Variants in GPT2 observed in about 807,000 individuals in gnomAD.
GPT2 encodes alanine aminotransferase 2.
In GPT2, 30 loss-of-function variants were observed where a neutral mutation model predicts 56.9. The ratio of observed to expected loss-of-function variants is 0.53; its 90% confidence interval spans 0.39 to 0.72. The LOEUF (loss-of-function observed/expected upper bound fraction) is 0.72. Among genes scored for constraint, GPT2 ranks in the 30% least tolerant of loss-of-function variants. The probability of loss-of-function intolerance (pLI) is 0.00; values close to 1 mark genes in which losing one functional copy is unlikely to be tolerated. For missense variants in GPT2, 542 were observed against 703.4 expected, an observed-to-expected ratio of 0.77 and a Z score of 2.60; for synonymous variants, 271 against 283.1, an observed-to-expected ratio of 0.96 and a Z score of 0.43.
chr16:46,916,613 T>G lies in GPT2; in HGVS notation c.821-15T>G. On this transcript the variant is annotated splice_polypyrimidine_tract_variant and intron_variant, in intron 6 of 11. Transcript: ENST00000340124. ...CATTACAACCGACATTTTGGTTTTC[T>G]TGGGGATTTTATAGGCCAGGTACAA... is the stretch of plus-strand genomic sequence containing the variant. 1 of 1,608,288 alleles carries G rather than the reference T, an allele frequency of 6.2e-7. No homozygotes were observed. Among genetic ancestry groups the G allele is most frequent in the South Asian group, 1.1e-5 (1 of 90,952 alleles).
At chr16:46,910,914 G>GT (rs1386279029) in intron 6 of GPT2, among the ~76,000 whole-genome samples, 2 of 152,120 alleles carry the variant, frequency 1.3e-5, no homozygotes, top group Non-Finnish European at 2.9e-5. Context: ...TTTAAGACTG[G>GT]TTTTTTGGGT....
At chr16:46,886,380 C>G (rs910965433) in intron 2 of GPT2, among the ~76,000 whole-genome samples, 1 of 152,156 alleles carries the variant, frequency 6.6e-6, no homozygotes, top group African/African-American at 2.4e-5. Context: ...TTACCTCTGC[C>G]TTTTGCTAAA....
rs553289033 is a variant in GPT2 at position 46,927,618 on chromosome 16, C to T, written c.1481+581C>T. On this transcript the variant is annotated intron_variant, in intron 11 of 11. Transcript: ENST00000340124. ...GTTCTCTTCAGAACAACATCTTCCC[C>T]ATACATGTTGCTCTCAGAGGTCTCC... Among the ~76,000 whole-genome samples the T allele has an allele frequency of 5.3e-5, 8 of 152,312 alleles. No homozygotes were observed. The South Asian group carries it at 6.2e-4, about 12-fold the overall frequency.
In GPT2 at chr16:46,885,901, G is replaced by A. The variant is rs184028007; in HGVS notation, c.243+943G>A. On this transcript the variant is annotated intron_variant, in intron 2 of 11. Transcript: ENST00000340124. ...CCTAGCTGCTTGCTAGAGAGAGTCT[G>A]ACTGAGAATAGAAGTGGGAAGGAGG... Among the ~76,000 whole-genome samples the A allele has an allele frequency of 1.0e-3, 159 of 152,248 alleles. 1 individual carries two copies. The highest frequency in any genetic ancestry group is 4.3e-4 in the Non-Finnish European group (29 of 68,016).
intron 8 of GPT2, among the ~76,000 whole-genome samples, chr16:46,919,189 C>A (rs1430788560): frequency 6.6e-6 from 1 of 152,200 alleles, no homozygotes. Context: ...AATCCTGTGT[C>A]TGTTCATTCA....
At chr16:46,896,105 T>C (rs1960681247) in intron 2 of GPT2, among the ~76,000 whole-genome samples, 1 of 152,188 alleles carries the variant, frequency 6.6e-6, no homozygotes, top group African/African-American at 2.4e-5. Context: ...GGGCCGGCTT[T>C]TGTAAGATGA....
chr16:46,886,632 G>A (rs1451288167), intron 2 of GPT2, among the ~76,000 whole-genome samples: 5 of 152,190 alleles, frequency 3.3e-5, no homozygotes, highest in Admixed American at 2.6e-4. Flanking sequence ...AAGGGGGCTG[G>A]TGCTGTAGTG....
Position 46,900,630 on chromosome 16 carries a change from G to T in GPT2, c.334-52G>T, listed in dbSNP as rs376305897. On this transcript the variant is annotated intron_variant, in intron 3 of 11. Transcript: ENST00000340124. ...CCCAGTGGCCTCTGTGCTCCTCCTG[G>T]AGCTCTAGGAGTGGGGGTGCTGGGA... The T allele has an allele frequency of 3.5e-5, 50 of 1,423,802 alleles. No homozygotes were observed. In the Admixed American group the frequency reaches 6.6e-4, roughly 19 times the overall value. The allele number at this position is 1,423,802 out of a possible 1,614,324, so 88.2% of individuals were successfully genotyped here.
In GPT2 at chr16:46,912,277, C is replaced by A. The variant is rs563535746; in HGVS notation, c.820+2350C>A. Among the ~76,000 whole-genome samples, 12 of 152,258 alleles carry A rather than the reference C, an allele frequency of 7.9e-5. No homozygotes were observed. In the South Asian group the frequency reaches 2.5e-3, roughly 32 times the overall value. Reference sequence around the variant, plus strand: ...TGAAGCAGTGCGCCTGAGTCAGAGTCCGTGTCACAGGAGCCTCGGTACCCT... The same window carrying A: ...TGAAGCAGTGCGCCTGAGTCAGAGTACGTGTCACAGGAGCCTCGGTACCCT... On this transcript the variant is annotated intron_variant, in intron 6 of 11. Coordinates refer to ENST00000340124, the MANE Select transcript of GPT2 (RefSeq NM_133443.4).
intron 4 of GPT2, among the ~76,000 whole-genome samples, chr16:46,901,249 G>A (rs1018992467): frequency 1.4e-4 from 22 of 152,210 alleles, no homozygotes; most frequent in Non-Finnish European, 2.1e-4. Context: ...GACCCCTCCA[G>A]CCCCTTTCTC....
intron 3 of GPT2, among the ~76,000 whole-genome samples, chr16:46,899,535 G>A (rs1019942089): frequency 2.6e-5 from 4 of 152,174 alleles, no homozygotes; most frequent in Admixed American, 6.5e-5. Flanking sequence ...TCTGAGGGGC[G>A]CTCACTGGGC....
At chr16:46,911,162 T>A (rs892710184) in intron 6 of GPT2, among the ~76,000 whole-genome samples, 1 of 152,162 alleles carries the variant, frequency 6.6e-6, no homozygotes, top group African/African-American at 2.4e-5. Context: ...AAAAAACCAC[T>A]AATTTCCAGA....
At chr16:46,891,719 G>A (rs1463633093) in intron 2 of GPT2, among the ~76,000 whole-genome samples, 1 of 151,952 alleles carries the variant, frequency 6.6e-6, no homozygotes, top group Non-Finnish European at 1.5e-5. Context: ...AATCACATCA[G>A]GGTAAATGAG....
In GPT2 at chr16:46,898,104, A is replaced by G. The variant is rs543301554; in HGVS notation, c.333+367A>G. Reference sequence around the variant, plus strand: ...CAGGAGGTGTCATGGTGGGGGCAGGATGTGGCTTCCCACTTGAGACCCTCC... The same window carrying G: ...CAGGAGGTGTCATGGTGGGGGCAGGGTGTGGCTTCCCACTTGAGACCCTCC... On this transcript the variant is annotated intron_variant, in intron 3 of 11. Transcript: ENST00000340124. Among the ~76,000 whole-genome samples the G allele has an allele frequency of 1.0e-3, 159 of 152,216 alleles. 1 individual carries two copies. The highest frequency in any genetic ancestry group is 1.8e-3 in the Non-Finnish European group (122 of 67,990).
intron 4 of GPT2, among the ~76,000 whole-genome samples, chr16:46,902,621 C>T (rs996086886): frequency 6.6e-6 from 1 of 152,006 alleles, no homozygotes; most frequent in African/African-American, 2.4e-5. Flanking sequence ...GAAGCTCATC[C>T]AGAGATTTTA....
At chr16:46,895,880 T>TCTTCTAA (rs1342610004) in intron 2 of GPT2, among the ~76,000 whole-genome samples, 1 of 152,256 alleles carries the variant, frequency 6.6e-6, no homozygotes, top group East Asian at 1.9e-4. Context: ...AAAGGCCATG[T>TCTTCTAA]CTTCTAAAGT....
At chr16:46,897,496 C>A in intron 2 of GPT2, 152 bp from the exon 3 acceptor site, 1 of 635,082 alleles carries the variant, frequency 1.6e-6, no homozygotes, top group Non-Finnish European at 2.8e-6. Context: ...TTAAATGAGA[C>A]CAGGCATGTC....
intron 6 of GPT2, among the ~76,000 whole-genome samples, chr16:46,914,382 A>G (rs1961102557): frequency 1.3e-5 from 2 of 152,174 alleles, no homozygotes; most frequent in Admixed American, 6.5e-5. Context: ...CAAAAAATAA[A>G]AAAGTTAGCT....
rs561738128 is a variant in GPT2 at position 46,916,278 on chromosome 16, G to A, written c.821-350G>A. ...GGAGAATGGCATGAACTCGGGAGGCGGAGCTTGCAGTGAGCCGAGATTGTG... is the reference window on the plus strand; with the variant it reads ...GGAGAATGGCATGAACTCGGGAGGCAGAGCTTGCAGTGAGCCGAGATTGTG... On this transcript the variant is annotated intron_variant, in intron 6 of 11. Transcript: ENST00000340124. The A allele has an allele frequency of 3.2e-4, 54 of 171,366 alleles. 1 individual carries two copies. In the South Asian group the frequency reaches 6.2e-3, roughly 20 times the overall value. The allele number at this position is 171,366 out of a possible 1,614,324, so 10.6% of individuals were successfully genotyped here.
Sources: allele counts gnomAD v4.1 joint callset (sites outside exome capture counted in the v4.1 genomes callset), GRCh38; gene constraint gnomAD v4.1.1; transcripts MANE v1.5; gene names NCBI Gene and HGNC (gene_info 2026-07-23, HGNC 2026-07-21).